The following PDCD10 variants were observed in gnomAD, a reference collection of about 807,000 sequenced individuals.
PDCD10 encodes the protein programmed cell death protein 10.
A neutral mutation model predicts 29.2 loss-of-function variants in PDCD10; 4 were observed. The observed-to-expected ratio is 0.14, with a 90% CI of 0.07 to 0.31. The LOEUF (loss-of-function observed/expected upper bound fraction) is 0.31. Among genes scored for constraint, PDCD10 ranks in the 10% least tolerant of loss-of-function variants. The pLI is 1.00. For synonymous variants in PDCD10, 70 were observed against 82.2 expected (o/e 0.85, Z 0.80); for missense variants, 183 against 257.9 (o/e 0.71, Z 1.99).
At chr3:167,694,223 G>C (rs1297436102) in intron 6 of PDCD10, 1 of 167,358 alleles carries the variant, frequency 6.0e-6, no homozygotes. Flanking sequence ...AATGTTTCTA[G>C]AGCTATTAAA....
intron 3 of PDCD10, among the ~76,000 whole-genome samples, chr3:167,705,220 T>C (rs908412953): frequency 6.6e-6 from 1 of 151,802 alleles, no homozygotes; most frequent in African/African-American, 2.4e-5. Flanking sequence ...AGGCACAGAA[T>C]TTCATAATTT....
At chr3:167,707,304 CA>C (rs1722071098) in intron 3 of PDCD10, among the ~76,000 whole-genome samples, 1 of 152,104 alleles carries the variant, frequency 6.6e-6, no homozygotes, top group Non-Finnish European at 1.5e-5. Flanking sequence ...AGAAAATTTC[CA>C]CTTTGTTTTC....
Position 167,687,629 on chromosome 3 carries a change from A to G in PDCD10, c.460T>C (p.Tyr154His). 1 of 1,590,742 alleles carries G rather than the reference A, an allele frequency of 6.3e-7. No homozygotes were observed. Among genetic ancestry groups the G allele is most frequent in the Non-Finnish European group, 8.6e-7 (1 of 1,158,934 alleles). Reference sequence around the variant, plus strand: ...ACTAAACGTACCCTGCGGTTCTGGTATTGATATTTCTTGAAGACATTATTC... The same window carrying G: ...ACTAAACGTACCCTGCGGTTCTGGTGTTGATATTTCTTGAAGACATTATTC... ...TVNNVFKKYQYQNRRALEHQK... is the reference protein window; with the variant it reads ...TVNNVFKKYQHQNRRALEHQK... Residue 154 changes from tyrosine to histidine, a missense_variant, in exon 7 of 9, where the codon TAC becomes CAC. Transcript: ENST00000392750.
chr3:167,710,214 T>C (rs1722394813), intron 3 of PDCD10, among the ~76,000 whole-genome samples: 4 of 151,958 alleles, frequency 2.6e-5, no homozygotes, highest in Admixed American at 1.3e-4. Context: ...AAAGGAAATA[T>C]AAGAGGGATT....
chr3:167,705,510 A>G (rs1721885803), intron 3 of PDCD10, among the ~76,000 whole-genome samples: 1 of 152,186 alleles, frequency 6.6e-6, no homozygotes, highest in African/African-American at 2.4e-5. Flanking sequence ...TGCTTCAGAA[A>G]TCTCCTGTAT....
chr3:167,715,415 A>G (rs1183458355), intron 3 of PDCD10, among the ~76,000 whole-genome samples: 1 of 151,850 alleles, frequency 6.6e-6, no homozygotes, highest in Non-Finnish European at 1.5e-5. Context: ...ATGGACAAAT[A>G]GCACATCAAG....
rs191805858 is a variant in PDCD10, at chr3:167,710,389, T to C, written c.97-5494A>G. On this transcript the variant is annotated intron_variant, in intron 3 of 8. Coordinates refer to ENST00000392750, the MANE Select transcript of PDCD10 (RefSeq NM_007217.4). ...TCACCACAGGCTGACTGAAGAGCCCTTGGGTTTTAAGTGAACATCAACCAT... is the reference window on the plus strand; with the variant it reads ...TCACCACAGGCTGACTGAAGAGCCCCTGGGTTTTAAGTGAACATCAACCAT... Among the ~76,000 whole-genome samples the C allele has an allele frequency of 4.7e-4, 72 of 152,082 alleles. 1 individual carries two copies. In the East Asian group the frequency reaches 0.012, roughly 26 times the overall value.
chr3:167,726,764 T>C (rs1677788202), intron 2 of PDCD10, among the ~76,000 whole-genome samples: 1 of 152,140 alleles, frequency 6.6e-6, no homozygotes, highest in African/African-American at 2.4e-5. Context: ...ACCAGATGCC[T>C]AGAACACAAA....
chr3:167,715,590 A>C (rs1051301532), intron 3 of PDCD10, among the ~76,000 whole-genome samples: 7 of 152,192 alleles, frequency 4.6e-5, no homozygotes, highest in Middle Eastern at 3.4e-3. Context: ...GCAATTTTAA[A>C]ATGGGCTAAA....
intron 4 of PDCD10, among the ~76,000 whole-genome samples, chr3:167,697,571 T>C (rs1229413956): frequency 6.6e-6 from 1 of 152,168 alleles, no homozygotes; most frequent in Non-Finnish European, 1.5e-5. Flanking sequence ...TCCATTTATA[T>C]TAAGAGAATG....
intron 2 of PDCD10, among the ~76,000 whole-genome samples, chr3:167,721,820 G>C (rs1559974802): frequency 6.6e-6 from 1 of 152,138 alleles, no homozygotes; most frequent in Non-Finnish European, 1.5e-5. Context: ...ACCATTACCT[G>C]ATTATGTAAC....
intron 2 of PDCD10, among the ~76,000 whole-genome samples, chr3:167,721,357 T>A (rs1723542563): frequency 6.6e-6 from 1 of 152,128 alleles, no homozygotes; most frequent in Non-Finnish European, 1.5e-5. Flanking sequence ...TGAATACAGA[T>A]CTTATACTCT....
intron 3 of PDCD10, among the ~76,000 whole-genome samples, chr3:167,713,957 T>G (rs1442914696): frequency 1.3e-5 from 2 of 152,012 alleles, no homozygotes; most frequent in Admixed American, 6.6e-5. Flanking sequence ...GCTTCACTGC[T>G]GAATTCTGCC....
chr3:167,709,547 G>A (rs11918290), intron 3 of PDCD10, among the ~76,000 whole-genome samples: 1,993 of 152,256 alleles, frequency 0.013, 39 homozygotes, highest in African/African-American at 0.046. Flanking sequence ...GCATTTGGAC[G>A]TGACACGGTC....
At chr3:167,723,694 T>C (rs1454682537) in intron 2 of PDCD10, among the ~76,000 whole-genome samples, 3 of 152,182 alleles carry the variant, frequency 2.0e-5, no homozygotes, top group African/African-American at 7.2e-5. Flanking sequence ...TGCAGGGAAA[T>C]CTTCAGTTCA....
intron 3 of PDCD10, among the ~76,000 whole-genome samples, chr3:167,708,853 A>G (rs1201590013): frequency 6.6e-6 from 1 of 152,238 alleles, no homozygotes; most frequent in African/African-American, 2.4e-5. Flanking sequence ...TTCCTTAACA[A>G]TAACTAACAC....
intron 2 of PDCD10, among the ~76,000 whole-genome samples, chr3:167,721,944 A>G (rs1228028708): frequency 6.6e-6 from 1 of 152,142 alleles, no homozygotes; most frequent in African/African-American, 2.4e-5. Flanking sequence ...CAAGACCAAA[A>G]TAATAAGCAA....
intron 8 of PDCD10, 77 bp from the exon 9 acceptor site, chr3:167,684,466 G>T: frequency 1.3e-6 from 1 of 776,868 alleles, no homozygotes; most frequent in East Asian, 2.5e-5. Flanking sequence ...ATTAACAGTA[G>T]CAATGGAATC....
At chr3:167,686,984 C>T (rs531029969) in intron 8 of PDCD10, among the ~76,000 whole-genome samples, 5 of 152,286 alleles carry the variant, frequency 3.3e-5, no homozygotes, top group African/African-American at 1.2e-4. Flanking sequence ...ATAACGGCAA[C>T]AGGCCCACCA....
Sources: gnomAD v4.1 joint callset for allele counts (sites outside exome capture counted in the v4.1 genomes callset) on GRCh38, gnomAD v4.1.1 for gene constraint, MANE v1.5 for transcripts, NCBI Gene and HGNC (gene_info 2026-07-23, HGNC 2026-07-21) for gene names.